CYRIB: variants seen among roughly 807,000 people sequenced by gnomAD.
CYRIB encodes the protein CYFIP related Rac1 interactor B.
Under a neutral mutation model 44.2 loss-of-function variants are expected in CYRIB, and 8 were observed. The ratio of observed to expected loss-of-function variants is 0.18; its 90% CI spans 0.11 to 0.33. CYRIB has a LOEUF of 0.33. Ranked by LOEUF, CYRIB falls within the 10% of genes least tolerant of loss-of-function variation. The pLI is 1.00. For missense variants in CYRIB, 185 were observed against 382.8 expected, an observed-to-expected ratio of 0.48 and a Z score of 4.31; for synonymous variants, 131 against 127.2, an observed-to-expected ratio of 1.03 and a Z score of -0.20.
intron 1 of CYRIB, among the ~76,000 whole-genome samples, chr8:129,913,004 C>T (rs2078850365): frequency 7.1e-6 from 1 of 140,512 alleles, no homozygotes; most frequent in Non-Finnish European, 1.5e-5. Context: ...ACGGAGACTG[C>T]TCTGTCACCC....
At chr8:129,923,903 A>T (rs894906772) in intron 1 of CYRIB, among the ~76,000 whole-genome samples, 1 of 147,116 alleles carries the variant, frequency 6.8e-6, no homozygotes, top group African/African-American at 2.5e-5. Flanking sequence ...ATAGATGATA[A>T]TTTTTTTTTT....
At chr8:129,965,330 G>T (rs1440001601) in intron 2 of CYRIB, among the ~76,000 whole-genome samples, 2 of 151,164 alleles carry the variant, frequency 1.3e-5, no homozygotes, top group Admixed American at 1.3e-4. Flanking sequence ...TGTGTGGGTG[G>T]GTGTGTATAA....
At chr8:129,852,221 C>T in exon 8 of CYRIB, 1 of 1,569,386 alleles carries the variant, frequency 6.4e-7, no homozygotes, top group Non-Finnish European at 8.6e-7. Flanking sequence ...GTTGCCTCAG[C>T]ATAAAACAAA....
At chr8:129,916,842 G>C (rs534057127) in intron 1 of CYRIB, among the ~76,000 whole-genome samples, 4 of 152,272 alleles carry the variant, frequency 2.6e-5, no homozygotes, top group African/African-American at 7.2e-5. Flanking sequence ...TTACAACGAA[G>C]GGAAACAGCA....
At chr8:129,900,116 A>C (rs2070739632) in intron 2 of CYRIB, among the ~76,000 whole-genome samples, 1 of 152,196 alleles carries the variant, frequency 6.6e-6, no homozygotes, top group African/African-American at 2.4e-5. Flanking sequence ...AATGACTTGA[A>C]CGAGCTCAAC....
intron 2 of CYRIB, among the ~76,000 whole-genome samples, chr8:129,895,268 G>A (rs1030056095): frequency 1.3e-5 from 2 of 151,350 alleles, no homozygotes; most frequent in Admixed American, 6.6e-5. Flanking sequence ...GCCTCCTAAA[G>A]TGCTGGGATT....
chr8:129,879,231 C>T lies in CYRIB; in HGVS notation c.73+158G>A, dbSNP rs189548819. Among the ~76,000 whole-genome samples, 548 of 152,300 alleles carry T rather than the reference C, an allele frequency of 3.6e-3. 4 individuals carry two copies. Among genetic ancestry groups the T allele is most frequent in the African/African-American group, 0.013 (531 of 41,556 alleles). On this transcript the variant is annotated intron_variant, in intron 3 of 11. Transcript: ENST00000519824. ...TCACAATTTAATCTATAAAATAGGA[C>T]TTCCAGTTCTAGAAGGCACCAGAAA... is the stretch of plus-strand genomic sequence containing the variant.
At chr8:129,869,817 C>A (rs16904165) in intron 4 of CYRIB, among the ~76,000 whole-genome samples, 8 of 151,968 alleles carry the variant, frequency 5.3e-5, no homozygotes, top group Non-Finnish European at 2.9e-5. Context: ...ATATAAGAAA[C>A]CAGGTTTACC....
At chr8:129,961,239 T>A (rs2095245346) in intron 2 of CYRIB, among the ~76,000 whole-genome samples, 1 of 152,168 alleles carries the variant, frequency 6.6e-6, no homozygotes. Context: ...AAATATTTAT[T>A]TCCCCCCTGT....
rs1591216551 is a variant in CYRIB, at chr8:129,960,625, C to T, written c.-243+10318G>A. Among the ~76,000 whole-genome samples the T allele has an allele frequency of 2.4e-5, 3 of 126,038 alleles. No homozygotes were observed. In the South Asian group the frequency reaches 8.1e-4, roughly 34 times the overall value. 82.7% of individuals were successfully genotyped at this position (126,038 alleles called of 152,430 possible). A position where few individuals can be genotyped will look rare whatever the true frequency, so the allele number is the denominator to read the frequency against. Reference sequence around the variant, plus strand: ...TCAAGCCACTGCTTTCCAGCCTGGGCGGCAGAGCGAGACTCTGTCTCAAGA... The same window carrying T: ...TCAAGCCACTGCTTTCCAGCCTGGGTGGCAGAGCGAGACTCTGTCTCAAGA... On this transcript the variant is annotated intron_variant, in intron 2 of 14. Coordinates refer to the CYRIB transcript ENST00000401979.
At chr8:129,910,383 A>T (rs189523164) in intron 1 of CYRIB, among the ~76,000 whole-genome samples, 168 of 152,210 alleles carry the variant, frequency 1.1e-3, no homozygotes, top group Non-Finnish European at 2.0e-3. Context: ...CTAGTGCCAA[A>T]TTGCTGTCCA....
At chr8:129,972,034 T>C (rs1204886407) in intron 1 of CYRIB, among the ~76,000 whole-genome samples, 1 of 152,224 alleles carries the variant, frequency 6.6e-6, no homozygotes, top group Non-Finnish European at 1.5e-5. Context: ...GCTGCCTTAG[T>C]GTTTTCTCTT....
chr8:130,011,532 A>G (rs2097214590), intron 1 of CYRIB, among the ~76,000 whole-genome samples: 1 of 151,084 alleles, frequency 6.6e-6, no homozygotes, highest in African/African-American at 2.4e-5. Flanking sequence ...AAAAATAAAA[A>G]TTAGGCTGGG....
At chr8:130,012,548 C>G (rs1358169456) in intron 1 of CYRIB, among the ~76,000 whole-genome samples, 1 of 152,154 alleles carries the variant, frequency 6.6e-6, no homozygotes, top group Non-Finnish European at 1.5e-5. Flanking sequence ...GTGCCATGCT[C>G]TCTGCTGGGC....
At chr8:129,941,272 G>GTTTTT (rs551305807), upstream of CYRIB, among the ~76,000 whole-genome samples, 3 of 124,988 alleles carry the variant, frequency 2.4e-5, no homozygotes, top group Non-Finnish European at 3.3e-5. Flanking sequence ...AACTGAAGGA[G>GTTTTT]ATTTTTTTTT....
At chr8:129,842,996 A>G (rs1056097318) in intron 11 of CYRIB, among the ~76,000 whole-genome samples, 1 of 152,228 alleles carries the variant, frequency 6.6e-6, no homozygotes, top group Non-Finnish European at 1.5e-5. Context: ...AGAATCCAAA[A>G]AAGAATCACA....
intron 1 of CYRIB, among the ~76,000 whole-genome samples, chr8:129,926,105 G>A (rs182179218): frequency 6.6e-6 from 1 of 152,108 alleles, no homozygotes; most frequent in Non-Finnish European, 1.5e-5. Flanking sequence ...TTGACTTAGG[G>A]TCAAACTCAG....
chr8:129,840,098 T>C (rs113439969), exon 12 of CYRIB: 3,349 of 165,324 alleles, frequency 0.02, 139 homozygotes, highest in African/African-American at 0.076. Flanking sequence ...ACGAGATACA[T>C]GTATCAGATT....
chr8:129,908,535 G>C (rs932839727), intron 1 of CYRIB, among the ~76,000 whole-genome samples: 2 of 152,034 alleles, frequency 1.3e-5, no homozygotes, highest in African/African-American at 2.4e-5. Flanking sequence ...CTTTGTAAAA[G>C]AGCAAAAATA....
Sources: allele counts gnomAD v4.1 joint callset (sites outside exome capture counted in the v4.1 genomes callset), GRCh38; gene constraint gnomAD v4.1.1; transcripts MANE v1.5; gene names NCBI Gene and HGNC (gene_info 2026-07-23, HGNC 2026-07-21).